The following TSHZ2 variants were observed in gnomAD, a reference collection of about 807,000 sequenced individuals.
The protein encoded by TSHZ2 is teashirt homolog 2.
A neutral mutation model predicts 74.4 loss-of-function variants in TSHZ2; 21 were observed. The observed-to-expected ratio is 0.28, with a 90% CI of 0.20 to 0.41. TSHZ2 has a LOEUF of 0.41. TSHZ2 is among the 10% of genes least tolerant of loss of function. The pLI is 1.00. For missense variants in TSHZ2, 1,244 were observed against 1,293.5 expected (o/e 0.96, Z 0.59); for synonymous variants, 540 against 515.3 (o/e 1.05, Z -0.65).
intron 1 of TSHZ2, among the ~76,000 whole-genome samples, chr20:53,096,585 T>TA (rs1401134777): frequency 6.6e-6 from 1 of 151,526 alleles, no homozygotes; most frequent in Admixed American, 6.6e-5. Flanking sequence ...CATCATCATT[T>TA]AAACCAGGTT....
chr20:53,126,270 C>T (rs565543361), intron 1 of TSHZ2, among the ~76,000 whole-genome samples: 168 of 152,330 alleles, frequency 1.1e-3, no homozygotes, highest in African/African-American at 3.8e-3. Context: ...TATGCCTGTG[C>T]GATCACACAG....
intron 1 of TSHZ2, among the ~76,000 whole-genome samples, chr20:53,221,196 T>A (rs962985167): frequency 1.3e-5 from 2 of 148,556 alleles, no homozygotes; most frequent in Non-Finnish European, 3.0e-5. Flanking sequence ...TTGCTCTTCC[T>A]TTGTCTTCTG....
At chr20:53,156,282 C>T (rs770064845) in intron 1 of TSHZ2, among the ~76,000 whole-genome samples, 1 of 152,164 alleles carries the variant, frequency 6.6e-6, no homozygotes, top group Non-Finnish European at 1.5e-5. Flanking sequence ...AAACATATGT[C>T]TCTGTGGAAG....
At chr20:53,161,225 C>A (rs182017562) in intron 1 of TSHZ2, among the ~76,000 whole-genome samples, 2 of 149,062 alleles carry the variant, frequency 1.3e-5, no homozygotes, top group South Asian at 2.1e-4. Flanking sequence ...AAAAACCCAG[C>A]CAAATGAATG....
At chr20:53,375,950 A>G (rs1981642883) in intron 2 of TSHZ2, among the ~76,000 whole-genome samples, 1 of 152,242 alleles carries the variant, frequency 6.6e-6, no homozygotes, top group South Asian at 2.1e-4. Flanking sequence ...GGAAATACTT[A>G]TCAGATAAAT....
intron 2 of TSHZ2, among the ~76,000 whole-genome samples, chr20:53,308,025 C>T (rs1262760001): frequency 6.6e-6 from 1 of 152,190 alleles, no homozygotes; most frequent in Non-Finnish European, 1.5e-5. Flanking sequence ...GTGCATCCCG[C>T]TGTGTTTATT....
chr20:53,469,045 T>A (rs866623667), intron 2 of TSHZ2, among the ~76,000 whole-genome samples: 47 of 49,104 alleles, frequency 9.6e-4, no homozygotes, highest in Non-Finnish European at 1.1e-3. Context: ...AATCGATATT[T>A]TATATATATA....
chr20:53,418,617 G>A (rs1329549618), intron 2 of TSHZ2, among the ~76,000 whole-genome samples: 1 of 152,046 alleles, frequency 6.6e-6, no homozygotes, highest in African/African-American at 2.4e-5. Flanking sequence ...GGAAAGACCT[G>A]CCCCCATGAT....
At chr20:52,986,004 A>G (rs895139253) in intron 1 of TSHZ2, among the ~76,000 whole-genome samples, 5 of 152,204 alleles carry the variant, frequency 3.3e-5, no homozygotes, top group Admixed American at 6.5e-5. Flanking sequence ...AAAGTCTTTG[A>G]TAATAGCCTA....
At chr20:53,121,422 A>G (rs1261660364) in intron 1 of TSHZ2, among the ~76,000 whole-genome samples, 4 of 116,096 alleles carry the variant, frequency 3.4e-5, no homozygotes, top group Non-Finnish European at 5.3e-5. Flanking sequence ...TACTTTTCAG[A>G]GGATTATGTT....
At chr20:53,103,377 A>C (rs776073513) in intron 1 of TSHZ2, among the ~76,000 whole-genome samples, 12 of 152,330 alleles carry the variant, frequency 7.9e-5, no homozygotes, top group South Asian at 2.1e-4. Context: ...GGTATGTTTA[A>C]AGGAGAGTCT....
intron 1 of TSHZ2, among the ~76,000 whole-genome samples, chr20:53,076,894 A>G (rs1245973111): frequency 6.6e-6 from 1 of 152,240 alleles, no homozygotes; most frequent in Non-Finnish European, 1.5e-5. Context: ...AAGTCATTAA[A>G]GAAAGAGTTA....
intron 1 of TSHZ2, among the ~76,000 whole-genome samples, chr20:53,090,056 A>G (rs899647588): frequency 6.6e-6 from 1 of 152,270 alleles, no homozygotes; most frequent in Non-Finnish European, 1.5e-5. Flanking sequence ...CGAAGGCCCA[A>G]GAGCCCCTGG....
intron 2 of TSHZ2, among the ~76,000 whole-genome samples, chr20:53,395,928 GTGTT>G (rs145359092): frequency 0.035 from 5,367 of 152,068 alleles, 295 homozygotes; most frequent in African/African-American, 0.12. Flanking sequence ...AGTTTTAAGC[GTGTT>G]TGTTTGTTTG....
At chr20:53,436,213 G>A (rs943291296) in intron 2 of TSHZ2, among the ~76,000 whole-genome samples, 1 of 152,172 alleles carries the variant, frequency 6.6e-6, no homozygotes, top group Non-Finnish European at 1.5e-5. Flanking sequence ...AAGCTATGAT[G>A]GTTCCAAAGC....
In TSHZ2 at chr20:53,327,057, G is replaced by A. The variant is rs180747111; in HGVS notation, c.*8+70486G>A. Among the ~76,000 whole-genome samples, 151 of 152,336 alleles carry A rather than the reference G, an allele frequency of 9.9e-4. 1 individual carries two copies. Among genetic ancestry groups the A allele is most frequent in the South Asian group, 7.1e-3 (34 of 4,820 alleles). On this transcript the variant is annotated intron_variant, in intron 2 of 2. Transcript: ENST00000371497. ...TGCAGCACTGTGCATGCAGCAGGAT[G>A]TGTATAAAGTCTGATGAGGACATAG... is the stretch of plus-strand genomic sequence containing the variant.
intron 1 of TSHZ2, among the ~76,000 whole-genome samples, chr20:53,216,396 CAGAA>C: frequency 6.6e-6 from 1 of 152,290 alleles, no homozygotes. Flanking sequence ...GAATCCCTGG[CAGAA>C]AGTCAAGGAC....
chr20:53,471,785 C>T lies in TSHZ2; in HGVS notation c.*9-15359C>T, dbSNP rs191072629. On this transcript the variant is annotated intron_variant, in intron 2 of 2. Coordinates refer to ENST00000371497, the MANE Select transcript of TSHZ2 (RefSeq NM_173485.6). ...ACAAGTTTGTCTTTTTTCTAAGTGC[C>T]GTAGACACTTTTCTTTTCTTTTTTT... 7.6e-4 allele frequency among the ~76,000 whole-genome samples: 113 copies of T among 148,872 alleles called. 5 individuals are homozygous for T. In the East Asian group the frequency reaches 0.022, roughly 29 times the overall value.
At chr20:53,486,441 G>A (rs1468898394) in intron 2 of TSHZ2, among the ~76,000 whole-genome samples, 2 of 152,100 alleles carry the variant, frequency 1.3e-5, no homozygotes, top group East Asian at 3.8e-4. Flanking sequence ...GGTGGCTCAA[G>A]CCTGTAATCT....
Sources: allele counts gnomAD v4.1 joint callset (sites outside exome capture counted in the v4.1 genomes callset), GRCh38; gene constraint gnomAD v4.1.1; transcripts MANE v1.5; gene names NCBI Gene and HGNC (gene_info 2026-07-23, HGNC 2026-07-21).